The following TMEM144 variants were observed in gnomAD, a reference collection of about 807,000 sequenced individuals.
TMEM144 encodes transmembrane protein 144.
Under a neutral mutation model 43.6 loss-of-function variants are expected in TMEM144, and 39 were observed. That is an observed-to-expected ratio of 0.90 (90% CI 0.69 to 1.17). TMEM144 has a LOEUF of 1.17. TMEM144 is among the 50% of genes most tolerant of loss of function. The pLI is 0.00. For synonymous variants in TMEM144, 154 were observed against 133.6 expected, an observed-to-expected ratio of 1.15 and a Z score of -1.06; for missense variants, 417 against 411.9, an observed-to-expected ratio of 1.01 and a Z score of -0.11.
At chr4:158,248,906 T>TTTTG (rs762038513) in intron 12 of TMEM144, among the ~76,000 whole-genome samples, 12 of 152,318 alleles carry the variant, frequency 7.9e-5, no homozygotes, top group Non-Finnish European at 1.3e-4. Flanking sequence ...TGATACTCTT[T>TTTTG]TTTGTTTGTT....
chr4:158,249,158 G>A (rs1194876665), intron 12 of TMEM144, among the ~76,000 whole-genome samples: 1 of 152,172 alleles, frequency 6.6e-6, no homozygotes, highest in African/African-American at 2.4e-5. Context: ...GCCCGCCTCG[G>A]CCTCCCAAAG....
chr4:158,226,434 CTT>C (rs1734770727), intron 6 of TMEM144, among the ~76,000 whole-genome samples: 2 of 152,150 alleles, frequency 1.3e-5, no homozygotes, highest in African/African-American at 4.8e-5. Context: ...CATGATACCT[CTT>C]TAACTTTAGC....
chr4:158,237,625 G>A lies in TMEM144; in HGVS notation c.664G>A (p.Ala222Thr), dbSNP rs754800790. 8.7e-6 allele frequency: 14 copies of A among 1,610,634 alleles called. No homozygotes were observed. Among genetic ancestry groups the A allele is most frequent in the Non-Finnish European group, 1.2e-5 (14 of 1,177,360 alleles). ...DHSKRNDSIYAGASQYDLDYV... is the reference protein window; with the variant it reads ...DHSKRNDSIYTGASQYDLDYV... Reference sequence around the variant, plus strand: ...CAGCAAAAGAAATGATAGTATATATGCAGGGGCAAGCCAATATGGTGAGAA... The same window carrying A: ...CAGCAAAAGAAATGATAGTATATATACAGGGGCAAGCCAATATGGTGAGAA... Residue 222 changes from alanine to threonine, a missense_variant, in exon 9 of 13, where the codon GCA (alanine) becomes ACA (threonine). Coordinates refer to ENST00000296529, the MANE Select transcript of TMEM144 (RefSeq NM_018342.5).
At chr4:158,246,989 T>C (rs1007620623) in intron 12 of TMEM144, among the ~76,000 whole-genome samples, 17 of 151,924 alleles carry the variant, frequency 1.1e-4, no homozygotes, top group African/African-American at 3.6e-4. Flanking sequence ...CAGTGAGGAA[T>C]GTTTTGTTTT....
intron 6 of TMEM144, among the ~76,000 whole-genome samples, chr4:158,228,371 A>C (rs746638930): frequency 5.3e-5 from 8 of 151,848 alleles, no homozygotes; most frequent in Non-Finnish European, 8.8e-5. Flanking sequence ...ATTCAAACCA[A>C]GTCAAAACCA....
intron 12 of TMEM144, among the ~76,000 whole-genome samples, chr4:158,246,388 C>G (rs1364706451): frequency 6.6e-6 from 1 of 152,078 alleles, no homozygotes; most frequent in East Asian, 1.9e-4. Flanking sequence ...TCTACCTGAT[C>G]TTTAAAATGA....
intron 6 of TMEM144, among the ~76,000 whole-genome samples, chr4:158,230,313 A>C (rs1735012315): frequency 6.6e-6 from 1 of 152,140 alleles, no homozygotes; most frequent in African/African-American, 2.4e-5. Context: ...TCAGCCACCT[A>C]GTCAGTTCTG....
chr4:158,243,948 T>G (rs567184064), intron 11 of TMEM144, among the ~76,000 whole-genome samples: 1 of 152,326 alleles, frequency 6.6e-6, no homozygotes, highest in South Asian at 2.1e-4. Context: ...ACACTTTTTC[T>G]TATTAATCCC....
chr4:158,215,169 C>T (rs778436153), intron 3 of TMEM144, 22 bp from the exon 4 acceptor site: 8 of 1,613,126 alleles, frequency 5.0e-6, no homozygotes, highest in Non-Finnish European at 6.8e-6. Context: ...GAACCACTAA[C>T]ACTGAGTTTG....
intron 6 of TMEM144, among the ~76,000 whole-genome samples, chr4:158,225,179 G>C (rs1008410995): frequency 2.0e-5 from 3 of 152,212 alleles, no homozygotes; most frequent in African/African-American, 7.2e-5. Flanking sequence ...AACGCCCTTA[G>C]ACATGGGGGC....
At chr4:158,253,409 C>G (rs1560846191) in intron 12 of TMEM144, 35 bp from the exon 13 acceptor site, 2 of 1,538,068 alleles carry the variant, frequency 1.3e-6, no homozygotes, top group African/African-American at 1.4e-5. Flanking sequence ...TGATTCAGGC[C>G]TTATTCATCA....
chr4:158,235,535 A>T, intron 8 of TMEM144, 30 bp downstream of exon 8: 1 of 1,580,216 alleles, frequency 6.3e-7, no homozygotes, highest in Non-Finnish European at 8.6e-7. Context: ...TTGCTCTATT[A>T]CTCTGTTTCA....
intron 12 of TMEM144, among the ~76,000 whole-genome samples, chr4:158,245,617 T>C (rs1315188798): frequency 6.6e-6 from 1 of 152,022 alleles, no homozygotes; most frequent in Non-Finnish European, 1.5e-5. Context: ...GTGAGGGTCA[T>C]ATAACCTAGC....
chr4:158,230,921 G>GA (rs1454086280), intron 6 of TMEM144, among the ~76,000 whole-genome samples: 2 of 152,000 alleles, frequency 1.3e-5, no homozygotes, highest in African/African-American at 2.4e-5. Context: ...AAGACCCAGG[G>GA]AAAAAACATC....
chr4:158,226,861 T>A (rs972310728), intron 6 of TMEM144, among the ~76,000 whole-genome samples: 1 of 152,172 alleles, frequency 6.6e-6, no homozygotes, highest in East Asian at 1.9e-4. Flanking sequence ...ATAATACTCT[T>A]TTTACATAAA....
rs991960228 is a variant in TMEM144, at chr4:158,240,541, T to G, written c.802+123T>G. Reference sequence around the variant, plus strand: ...GTGTGTATATGTGGTGTGTGTGTGTTGTGTGTGTGTGTGTGTGCATGTTCA... The same window carrying G: ...GTGTGTATATGTGGTGTGTGTGTGTGGTGTGTGTGTGTGTGTGCATGTTCA... On this transcript the variant is annotated intron_variant, in intron 10 of 12. Transcript: ENST00000296529. 8.6e-6 allele frequency: 5 copies of G among 584,522 alleles called. No individual in the cohort carries two copies. In the Admixed American group the frequency reaches 2.0e-4, roughly 24 times the overall value. 36.2% of individuals were successfully genotyped at this position (584,522 alleles called of 1,614,324 possible). A position where few individuals can be genotyped will look rare whatever the true frequency, so the allele number is the denominator to read the frequency against.
chr4:158,224,818 G>T (rs1236194292), intron 6 of TMEM144, among the ~76,000 whole-genome samples: 1 of 152,156 alleles, frequency 6.6e-6, no homozygotes, highest in Non-Finnish European at 1.5e-5. Context: ...CTTTGCAGGG[G>T]TTGGCGAAGC....
At chr4:158,215,088 A>G in intron 3 of TMEM144, 103 bp from the exon 4 acceptor site, 1 of 1,431,786 alleles carries the variant, frequency 7.0e-7, no homozygotes, top group Non-Finnish European at 9.7e-7. Context: ...TATGGCATTT[A>G]ATAAATTGTG....
chr4:158,251,422 G>GT (rs1448916222), intron 12 of TMEM144, among the ~76,000 whole-genome samples: 1 of 152,234 alleles, frequency 6.6e-6, no homozygotes, highest in Non-Finnish European at 1.5e-5. Context: ...AAATCTTTAA[G>GT]TGGGGGGGAT....
Sources: gnomAD v4.1 joint callset for allele counts (sites outside exome capture counted in the v4.1 genomes callset) on GRCh38, gnomAD v4.1.1 for gene constraint, MANE v1.5 for transcripts, NCBI Gene and HGNC (gene_info 2026-07-23, HGNC 2026-07-21) for gene names.